SUFU: variants seen among roughly 807,000 people sequenced by gnomAD.
SUFU encodes SUFU negative regulator of hedgehog signaling.
A neutral mutation model predicts 58.9 loss-of-function variants in SUFU; 7 were observed. The ratio of observed to expected loss-of-function variants is 0.12; its 90% CI spans 0.07 to 0.22. The LOEUF (loss-of-function observed/expected upper bound fraction) is 0.22, where lower values mean the gene tolerates loss of function less well. SUFU is among the 10% of genes least tolerant of loss of function. SUFU has a pLI of 1.00. For synonymous variants in SUFU, 232 were observed against 254.8 expected (o/e 0.91, Z 0.85); for missense variants, 451 against 641.3 (o/e 0.70, Z 3.20).
At chr10:102,525,453 A>G (rs1452034515) in intron 2 of SUFU, among the ~76,000 whole-genome samples, 5 of 151,676 alleles carry the variant, frequency 3.3e-5, no homozygotes, top group Non-Finnish European at 7.4e-5. Context: ...CATCCCAGCA[A>G]CTGGCACAGT....
At position 102,592,554 on chromosome 10, in the gene SUFU, A is replaced by G. The variant is rs764042752; in HGVS notation, c.455-28A>G. On this transcript the variant is annotated intron_variant, in intron 3 of 11. Transcript: ENST00000369902. ...CAGGCCTGGATCTGGGGCCTTGAAC[A>G]ATGAGGATCCTTGTATCTCTCCCAC... The G allele has an allele frequency of 5.6e-6, 9 of 1,613,366 alleles. No homozygotes were observed. The South Asian group carries it at 8.8e-5, about 16-fold the overall frequency.
At chr10:102,586,183 C>A (rs999858051) in intron 3 of SUFU, among the ~76,000 whole-genome samples, 1 of 151,908 alleles carries the variant, frequency 6.6e-6, no homozygotes, top group African/African-American at 2.4e-5. Flanking sequence ...CCATGCCCGG[C>A]CAGCTATTTG....
At chr10:102,508,970 C>T (rs2062364020) in intron 1 of SUFU, among the ~76,000 whole-genome samples, 199 bp from the exon 2 acceptor site, 2 of 152,178 alleles carry the variant, frequency 1.3e-5, no homozygotes, top group Admixed American at 6.5e-5. Context: ...GAGAAGGGAG[C>T]CTCTTGGGCT....
At chr10:102,528,668 C>T (rs1216832337) in intron 2 of SUFU, among the ~76,000 whole-genome samples, 6 of 152,134 alleles carry the variant, frequency 3.9e-5, no homozygotes, top group African/African-American at 9.7e-5. Flanking sequence ...TGTTGGGAGC[C>T]GGAAGAGTTT....
In SUFU at chr10:102,629,532, C is replaced by T. The variant is rs1403519808; in HGVS notation, c.1366-534C>T. 2.0e-5 allele frequency among the ~76,000 whole-genome samples: 3 copies of T among 152,320 alleles called. No individual in the cohort carries two copies. The East Asian group carries it at 5.8e-4, about 29-fold the overall frequency. On this transcript the variant is annotated intron_variant, in intron 11 of 11. Transcript: ENST00000369902. This position sits in a 1 kb window ranked among gnomAD's most constrained non-coding sequence, Gnocchi z 4.7. ...CACTTGTCCCACTCTTCTGCTCCCA[C>T]CAAGGCCGCAAGTGTGGTTCTGACT...
chr10:102,524,323 TCTTTTC>T (rs1245037211), intron 2 of SUFU, among the ~76,000 whole-genome samples: 1 of 136,850 alleles, frequency 7.3e-6, no homozygotes, highest in African/African-American at 2.8e-5. Flanking sequence ...CTTTTTCTTT[TCTTTTC>T]TTTTTTTTTT....
chr10:102,579,012 T>C (rs979909923), intron 3 of SUFU, among the ~76,000 whole-genome samples: 1 of 152,204 alleles, frequency 6.6e-6, no homozygotes, highest in Non-Finnish European at 1.5e-5. Context: ...TTCTGCCTTC[T>C]CATGCTGACA....
rs2063854243 is a variant in SUFU, at chr10:102,633,421, C to T, written c.*3266C>T. ...TTTCCTTCTTGCCCCCTCTTCCTCT[C>T]TGTAATCTAAGTGCATTAAACATCT... On this transcript the variant is annotated 3_prime_UTR_variant, in exon 12 of 12. Coordinates refer to ENST00000369902, the MANE Select transcript of SUFU (RefSeq NM_016169.4). 1.3e-5 allele frequency: 3 copies of T among 232,672 alleles called. No homozygotes were observed. The highest frequency in any genetic ancestry group is 2.6e-5 in the Non-Finnish European group (3 of 117,476). 14.4% of individuals were successfully genotyped at this position (232,672 alleles called of 1,614,324 possible).
Position 102,633,484 on chromosome 10 carries a change from G to T in SUFU, c.*3329G>T. On this transcript the variant is annotated 3_prime_UTR_variant, in exon 12 of 12. Transcript: ENST00000369902. ...CTGGGTTGTGTGCTCATTTCTGGCT[G>T]CCTGAAGTAGTGGAGCCGGAAGCCC... The T allele has an allele frequency of 4.6e-6, 1 of 218,560 alleles. No homozygotes were observed. The highest frequency in any genetic ancestry group is 9.2e-6 in the Non-Finnish European group (1 of 108,710). The allele number at this position is 218,560 out of a possible 1,614,324, so 13.5% of individuals were successfully genotyped here. A position where few individuals can be genotyped will look rare whatever the true frequency, so the allele number is the denominator to read the frequency against.
chr10:102,564,353 G>A (rs2063067140), intron 3 of SUFU, among the ~76,000 whole-genome samples: 1 of 152,054 alleles, frequency 6.6e-6, no homozygotes, highest in Non-Finnish European at 1.5e-5. Context: ...CTTTTTTGGA[G>A]ACAGAGTCTC....
chr10:102,549,416 CTG>C (rs1466055965), intron 2 of SUFU, among the ~76,000 whole-genome samples: 4 of 152,200 alleles, frequency 2.6e-5, no homozygotes, highest in Non-Finnish European at 5.9e-5. Flanking sequence ...GACAAGAACA[CTG>C]TGGAGGAAAC....
At chr10:102,539,052 G>A (rs912048170) in intron 2 of SUFU, among the ~76,000 whole-genome samples, 1 of 152,206 alleles carries the variant, frequency 6.6e-6, no homozygotes, top group African/African-American at 2.4e-5. Flanking sequence ...TTGACCAACT[G>A]TCCCCATTTG....
chr10:102,526,343 A>C (rs2062608141), intron 2 of SUFU, among the ~76,000 whole-genome samples: 1 of 152,142 alleles, frequency 6.6e-6, no homozygotes, highest in African/African-American at 2.4e-5. Context: ...CACTTGAGCC[A>C]GGAGTTCGAG....
At chr10:102,569,067 C>G (rs2063135306) in intron 3 of SUFU, among the ~76,000 whole-genome samples, 1 of 150,298 alleles carries the variant, frequency 6.7e-6, no homozygotes, top group Non-Finnish European at 1.5e-5. Context: ...CAGATAGTTT[C>G]CAGTTTTCCC....
chr10:102,584,941 T>G (rs1590054415), intron 3 of SUFU, among the ~76,000 whole-genome samples: 1 of 152,176 alleles, frequency 6.6e-6, no homozygotes, highest in East Asian at 1.9e-4. Context: ...GAAAAGAACA[T>G]GTTAGTAGGT....
At chr10:102,527,493 A>AT (rs1292657570) in intron 2 of SUFU, among the ~76,000 whole-genome samples, 1 of 117,096 alleles carries the variant, frequency 8.5e-6, no homozygotes, top group Non-Finnish European at 1.9e-5. Context: ...AGGAAATACC[A>AT]TTAAGATATA....
rs766562318 is a variant in SUFU at position 102,619,083 on chromosome 10, GAGCTC to G, written c.1296+1656_1296+1660del. 7.4e-6 allele frequency: 12 copies of G among 1,612,618 alleles called. No homozygotes were observed. On this transcript the variant is annotated intron_variant, in intron 10 of 11. Transcript: ENST00000369902. The surrounding 1 kb of genome is among the most constrained non-coding windows in gnomAD (Gnocchi z 4.2). Reference sequence around the variant, plus strand: ...ATCCTCAGCTCTGAACCTATCCTCGGAGCTCTGCCCTCCCGTCCTGGAACGTCTTT... The same window carrying G: ...ATCCTCAGCTCTGAACCTATCCTCGGTGCCCTCCCGTCCTGGAACGTCTTT...
intron 3 of SUFU, chr10:102,591,495 T>G (rs2063400967): frequency 9.3e-6 from 1 of 107,700 alleles, no homozygotes; most frequent in African/African-American, 3.6e-5. Flanking sequence ...CGAGACTCCA[T>G]CTCAAAAAAA....
Position 102,631,714 on chromosome 10 carries a change from G to T in SUFU, c.*1559G>T. On this transcript the variant is annotated 3_prime_UTR_variant, in exon 12 of 12. Coordinates refer to ENST00000369902, the MANE Select transcript of SUFU (RefSeq NM_016169.4). ...AAGAGCTGCCCCCAGGGGTATGAGGGCACCAGCTGGGTTCTCCAGGGAGCA... is the reference window on the plus strand; with the variant it reads ...AAGAGCTGCCCCCAGGGGTATGAGGTCACCAGCTGGGTTCTCCAGGGAGCA... 4.3e-6 allele frequency: 1 copy of T among 233,468 alleles called. No individual in the cohort carries two copies. The highest frequency in any genetic ancestry group is 8.5e-6 in the Non-Finnish European group (1 of 118,196). 14.5% of individuals were successfully genotyped at this position (233,468 alleles called of 1,614,324 possible). A position where few individuals can be genotyped will look rare whatever the true frequency, so the allele number is the denominator to read the frequency against.
Sources: allele counts gnomAD v4.1 joint callset (sites outside exome capture counted in the v4.1 genomes callset), GRCh38; gene constraint gnomAD v4.1.1; non-coding constraint Gnocchi (gnomAD v3.1); transcripts MANE v1.5; gene names NCBI Gene and HGNC (gene_info 2026-07-23, HGNC 2026-07-21).